BBX: variants seen among roughly 807,000 people sequenced by gnomAD.
BBX encodes HMG box transcription factor BBX.
Under a neutral mutation model 100.2 loss-of-function variants are expected in BBX, and 30 were observed. The observed-to-expected ratio is 0.30, with a 90% CI of 0.22 to 0.41. The LOEUF (loss-of-function observed/expected upper bound fraction) is 0.41, where lower values mean the gene tolerates loss of function less well. Among genes scored for constraint, BBX ranks in the 10% least tolerant of loss-of-function variants. The pLI is 1.00. For missense variants in BBX, 1,023 were observed against 1,129.8 expected, an observed-to-expected ratio of 0.91 and a Z score of 1.35; for synonymous variants, 376 against 388.1, an observed-to-expected ratio of 0.97 and a Z score of 0.37.
rs1275305154 is a variant in BBX, at chr3:107,810,118, G to A, written c.*4661G>A. ...ATTTCAGAACAAAGAAGCAACAAGCGTGAATAAAAAGACAAATGTATTTGA... is the reference window on the plus strand; with the variant it reads ...ATTTCAGAACAAAGAAGCAACAAGCATGAATAAAAAGACAAATGTATTTGA... On this transcript the variant is annotated 3_prime_UTR_variant, in exon 18 of 18. Coordinates refer to ENST00000325805, the MANE Select transcript of BBX (RefSeq NM_001142568.3). 1.3e-5 allele frequency: 2 copies of A among 151,064 alleles called. No homozygotes were observed. The highest frequency in any genetic ancestry group is 6.6e-5 in the Admixed American group (1 of 15,152). 9.4% of individuals were successfully genotyped at this position (151,064 alleles called of 1,614,324 possible). A position where few individuals can be genotyped will look rare whatever the true frequency, so the allele number is the denominator to read the frequency against.
chr3:107,696,594 A>T (rs562044427), intron 3 of BBX, among the ~76,000 whole-genome samples: 3 of 151,920 alleles, frequency 2.0e-5, no homozygotes, highest in South Asian at 2.1e-4. Flanking sequence ...CTTCCCTTTG[A>T]GGGTAATCCG....
intron 10 of BBX, among the ~76,000 whole-genome samples, chr3:107,766,979 A>G (rs2066445319): frequency 6.6e-6 from 1 of 152,200 alleles, no homozygotes; most frequent in Non-Finnish European, 1.5e-5. Context: ...GCATGTTCTC[A>G]CTTATTAGTG....
At chr3:107,719,662 T>G (rs2062381405) in intron 5 of BBX, among the ~76,000 whole-genome samples, 2 of 152,062 alleles carry the variant, frequency 1.3e-5, no homozygotes, top group Admixed American at 6.6e-5. Flanking sequence ...AAAAGACTAT[T>G]CTAAGAATAC....
chr3:107,546,034 A>G (rs1436168677), intron 2 of BBX, among the ~76,000 whole-genome samples: 5 of 152,208 alleles, frequency 3.3e-5, no homozygotes, highest in African/African-American at 1.2e-4. Flanking sequence ...AGTATTACAC[A>G]TGAAACCTCA....
intron 13 of BBX, among the ~76,000 whole-genome samples, chr3:107,779,678 AAG>A (rs1434422475): frequency 5.9e-5 from 9 of 152,194 alleles, no homozygotes; most frequent in South Asian, 2.1e-4. Context: ...AATATTAACA[AAG>A]AGATATAATT....
At chr3:107,638,021 C>T (rs1351393716) in intron 2 of BBX, among the ~76,000 whole-genome samples, 1 of 152,162 alleles carries the variant, frequency 6.6e-6, no homozygotes, top group Non-Finnish European at 1.5e-5. Flanking sequence ...TCAAGCCATC[C>T]TCCCACCTCA....
In BBX at chr3:107,655,979, C is replaced by T. The variant is rs145963424; in HGVS notation, c.-10+10070C>T. Among the ~76,000 whole-genome samples the T allele has an allele frequency of 1.5e-3, 221 of 152,204 alleles. 3 individuals are homozygous for T. Among genetic ancestry groups the T allele is most frequent in the East Asian group, 0.014 (75 of 5,180 alleles). On this transcript the variant is annotated intron_variant, in intron 3 of 17. Coordinates refer to ENST00000325805, the MANE Select transcript of BBX (RefSeq NM_001142568.3). ...CCTTCCAAAGTGCTGGGATTACAGG[C>T]GTGAGCCACCATGTCCAGCTAAGTG...
Position 107,773,197 on chromosome 3 carries a change from C to A in BBX, c.1476C>A (p.Ala492=). 1.9e-6 allele frequency: 3 copies of A among 1,614,052 alleles called. No individual in the cohort carries two copies. The highest frequency in any genetic ancestry group is 2.5e-6 in the Non-Finnish European group (3 of 1,180,000). ...DIESVIYTIE[A]VAKGDWGIEK... The stretch of plus-strand genomic sequence containing the variant: ...AGAGCGTCATATATACCATTGAAGC[C>A]GTCGCAAAAGGAGACTGGGGCATAG... The change falls in exon 11 of 18, where the codon GCC becomes GCA. Residue 492 remains alanine, a synonymous_variant. Coordinates refer to ENST00000325805, the MANE Select transcript of BBX (RefSeq NM_001142568.3). This position sits in a 1 kb window ranked among gnomAD's most constrained non-coding sequence, Gnocchi z 4.1.
chr3:107,742,386 A>T (rs1313712004), intron 7 of BBX, among the ~76,000 whole-genome samples: 1 of 151,012 alleles, frequency 6.6e-6, no homozygotes, highest in Non-Finnish European at 1.5e-5. Flanking sequence ...CTAGAGGGTC[A>T]GCTAACCAAG....
chr3:107,715,923 C>T (rs1339598346), intron 4 of BBX, among the ~76,000 whole-genome samples: 1 of 152,208 alleles, frequency 6.6e-6, no homozygotes, highest in African/African-American at 2.4e-5. Flanking sequence ...GAGCATTTCA[C>T]TAAACAAGAA....
At chr3:107,681,744 G>A (rs1193053367) in intron 3 of BBX, among the ~76,000 whole-genome samples, 1 of 152,102 alleles carries the variant, frequency 6.6e-6, no homozygotes, top group Non-Finnish European at 1.5e-5. Flanking sequence ...AGAATTTCCT[G>A]TAGAAATTCT....
At chr3:107,547,512 TC>T (rs2049325536) in intron 2 of BBX, among the ~76,000 whole-genome samples, 1 of 152,150 alleles carries the variant, frequency 6.6e-6, no homozygotes, top group African/African-American at 2.4e-5. Context: ...TCTGATCAGA[TC>T]TCTCACAGAT....
At chr3:107,547,566 T>C (rs532842481) in intron 2 of BBX, among the ~76,000 whole-genome samples, 2 of 152,316 alleles carry the variant, frequency 1.3e-5, no homozygotes, top group African/African-American at 4.8e-5. Flanking sequence ...TCGTTTTATA[T>C]TTGTTCTACC....
Position 107,552,072 on chromosome 3 carries a change from T to C in BBX, c.-84+25674T>C, listed in dbSNP as rs376166919. On this transcript the variant is annotated intron_variant, in intron 2 of 17. Coordinates refer to ENST00000325805, the MANE Select transcript of BBX (RefSeq NM_001142568.3). ...GGATTGCTCCTGGGGCTGGGCGCAC[T>C]GGTTCACCCCTGTATTCCCAGCACT... is the stretch of plus-strand genomic sequence containing the variant. 1.0e-3 allele frequency among the ~76,000 whole-genome samples: 159 copies of C among 152,168 alleles called. 1 individual carries two copies. The highest frequency in any genetic ancestry group is 3.8e-3 in the African/African-American group (157 of 41,526).
At chr3:107,666,608 C>CG (rs2058756357) in intron 3 of BBX, among the ~76,000 whole-genome samples, 1 of 152,238 alleles carries the variant, frequency 6.6e-6, no homozygotes, top group African/African-American at 2.4e-5. Context: ...GCTCTATTGG[C>CG]AGACTGGAGT....
chr3:107,549,489 A>T (rs1480433312), intron 2 of BBX, among the ~76,000 whole-genome samples: 4 of 152,174 alleles, frequency 2.6e-5, no homozygotes, highest in Admixed American at 2.6e-4. Flanking sequence ...GTGTGCAAAG[A>T]TAGCGAACAG....
intron 10 of BBX, among the ~76,000 whole-genome samples, chr3:107,765,157 C>T (rs2066280076): frequency 6.6e-6 from 1 of 152,118 alleles, no homozygotes; most frequent in African/African-American, 2.4e-5. Context: ...ATGAGTATTA[C>T]TGGTAAGTTA....
At chr3:107,755,794 CTAATTTTCAACAATGA>C in intron 10 of BBX, 116 bp downstream of exon 10, 1 of 866,216 alleles carries the variant, frequency 1.2e-6, no homozygotes, top group Non-Finnish European at 1.8e-6. Flanking sequence ...TGAGTTACAT[CTAATTTTCAACAATGA>C]GAGGGTTAAC....
chr3:107,574,434 A>G (rs1206648589), intron 2 of BBX, among the ~76,000 whole-genome samples: 2 of 152,208 alleles, frequency 1.3e-5, no homozygotes, highest in Non-Finnish European at 2.9e-5. Context: ...AGGGAAATAT[A>G]TATCTTAGAT....
Sources: gnomAD v4.1 joint callset for allele counts (sites outside exome capture counted in the v4.1 genomes callset) on GRCh38, gnomAD v4.1.1 for gene constraint, Gnocchi (gnomAD v3.1) non-coding constraint, MANE v1.5 for transcripts, NCBI Gene and HGNC (gene_info 2026-07-23, HGNC 2026-07-21) for gene names.